RRM1: variants seen among roughly 807,000 people sequenced by gnomAD.
The protein encoded by RRM1 is ribonucleoside-diphosphate reductase large subunit.
A neutral mutation model predicts 101.5 loss-of-function variants in RRM1; 19 were observed. That is an observed-to-expected ratio of 0.19 (90% CI 0.13 to 0.27). The LOEUF (loss-of-function observed/expected upper bound fraction) is 0.27, where lower values mean the gene tolerates loss of function less well. Ranked by LOEUF, RRM1 falls within the 10% of genes least tolerant of loss-of-function variation. The probability of loss-of-function intolerance (pLI) is 1.00; values close to 1 mark genes in which losing one functional copy is unlikely to be tolerated. For missense variants in RRM1, 500 were observed against 962.9 expected, an observed-to-expected ratio of 0.52 and a Z score of 6.36; for synonymous variants, 298 against 323.4, an observed-to-expected ratio of 0.92 and a Z score of 0.84.
At position 4,135,062 on chromosome 11, in the gene RRM1, A is replaced by G. The variant is rs199726175; in HGVS notation, c.2002-20A>G. ...TTTCTTTAACTGGAGTAAAGTAAACATTGGGTTTTCCTTCTTTAGAGCATA... is the reference window on the plus strand; with the variant it reads ...TTTCTTTAACTGGAGTAAAGTAAACGTTGGGTTTTCCTTCTTTAGAGCATA... On this transcript the variant is annotated intron_variant, in intron 17 of 18. Transcript: ENST00000300738. The G allele has an allele frequency of 7.0e-6, 11 of 1,572,396 alleles. No homozygotes were observed. The African/African-American group carries it at 9.5e-5, about 14-fold the overall frequency.
In RRM1 at chr11:4,121,633, G is replaced by A. The variant is rs770391332; in HGVS notation, c.906G>A (p.Glu302=). 1.2e-5 allele frequency: 20 copies of A among 1,613,718 alleles called. No homozygotes were observed. The South Asian group carries it at 2.2e-4, about 18-fold the overall frequency. Residue 302 remains glutamate (E), a synonymous_variant, in exon 10 of 19, where the codon GAG becomes GAA. Coordinates refer to ENST00000300738, the MANE Select transcript of RRM1 (RefSeq NM_001033.5). ...KRPGAFAIYL[E]PWHLDIFEFL... ...CTGGGGCATTTGCTATTTACCTGGA[G>A]CCTTGGCATTTAGACATCTTTGAAT...
intron 1 of RRM1, among the ~76,000 whole-genome samples, chr11:4,099,771 G>A (rs888855128): frequency 6.6e-6 from 1 of 152,066 alleles, no homozygotes; most frequent in African/African-American, 2.4e-5. Context: ...CTAACCAAGT[G>A]GAATGACAGA....
Position 4,132,986 on chromosome 11 carries a change from A to G in RRM1, c.1905+565A>G, listed in dbSNP as rs1050716222. On this transcript the variant is annotated intron_variant, in intron 16 of 18. Coordinates refer to ENST00000300738, the MANE Select transcript of RRM1 (RefSeq NM_001033.5). This position sits in a 1 kb window ranked among gnomAD's most constrained non-coding sequence, Gnocchi z 4.1. ...CAATTTTTTTAACCTAAGTATTTAT[A>G]GATTTACCCATCTTAGGCGCTATTC... Among the ~76,000 whole-genome samples, 1 of 152,204 alleles carries G rather than the reference A, an allele frequency of 6.6e-6. No homozygotes were observed. Among genetic ancestry groups the G allele is most frequent in the African/African-American group, 2.4e-5 (1 of 41,454 alleles).
At chr11:4,130,175 A>G (rs1381921094) in intron 15 of RRM1, among the ~76,000 whole-genome samples, 5 of 149,352 alleles carry the variant, frequency 3.3e-5, no homozygotes, top group Non-Finnish European at 7.4e-5. Flanking sequence ...TAGTATATGA[A>G]CACAAATTTA....
chr11:4,136,731 T>C (rs1377752693), intron 18 of RRM1, among the ~76,000 whole-genome samples: 3 of 41,832 alleles, frequency 7.2e-5, no homozygotes, highest in Non-Finnish European at 2.3e-4. Flanking sequence ...CAGGAATGTA[T>C]TTTTTTGTTT....
chr11:4,112,436 T>C (rs1023818210), intron 7 of RRM1, among the ~76,000 whole-genome samples: 5 of 152,180 alleles, frequency 3.3e-5, no homozygotes, highest in African/African-American at 9.6e-5. Flanking sequence ...CGATCTTGGC[T>C]CACTGCAACC....
chr11:4,127,559 C>A (rs958140108), intron 14 of RRM1, among the ~76,000 whole-genome samples: 1 of 152,150 alleles, frequency 6.6e-6, no homozygotes, highest in African/African-American at 2.4e-5. Flanking sequence ...ATGCTGATAA[C>A]CACTAGAAGT....
At chr11:4,101,128 C>T (rs761649677) in intron 1 of RRM1, among the ~76,000 whole-genome samples, 4 of 151,922 alleles carry the variant, frequency 2.6e-5, no homozygotes, top group African/African-American at 9.7e-5. Context: ...CTATTTGGGG[C>T]ATTGCAATTT....
chr11:4,137,029 T>G (rs1707905236), intron 18 of RRM1: 1 of 179,996 alleles, frequency 5.6e-6, no homozygotes, highest in African/African-American at 2.4e-5. Flanking sequence ...GCACCGCCCT[T>G]AATCCATTTA....
chr11:4,094,800 C>A lies in RRM1; in HGVS notation c.-213C>A. Reference sequence around the variant, plus strand: ...AACGTCATTCGAACCCCGTCGCGCCCCTTTGTGCGTCACGGGTGGCGGGCG... The same window carrying A: ...AACGTCATTCGAACCCCGTCGCGCCACTTTGTGCGTCACGGGTGGCGGGCG... On this transcript the variant is annotated 5_prime_UTR_variant, in exon 1 of 19. Coordinates refer to ENST00000300738, the MANE Select transcript of RRM1 (RefSeq NM_001033.5). 1.7e-6 allele frequency: 1 copy of A among 603,190 alleles called. No homozygotes were observed. Among genetic ancestry groups the A allele is most frequent in the South Asian group, 2.0e-5 (1 of 51,026 alleles). The allele number at this position is 603,190 out of a possible 1,614,324, so 37.4% of individuals were successfully genotyped here.
chr11:4,105,524 C>T, intron 2 of RRM1: 2 of 394,240 alleles, frequency 5.1e-6, no homozygotes, highest in Non-Finnish European at 9.8e-6. Context: ...AGCCACTGTG[C>T]CCAACCTGTC....
intron 14 of RRM1, among the ~76,000 whole-genome samples, chr11:4,127,932 CAAGATG>C (rs2094592545): frequency 6.6e-6 from 1 of 152,108 alleles, no homozygotes; most frequent in Non-Finnish European, 1.5e-5. Context: ...GGTCTGTGTT[CAAGATG>C]TTGGTAAGGG....
intron 10 of RRM1, 138 bp downstream of exon 10, chr11:4,121,903 C>T (rs2094582423): frequency 3.7e-6 from 3 of 805,118 alleles, no homozygotes; most frequent in South Asian, 2.1e-5. Context: ...TTAAGAGATG[C>T]CGTGCTTGTC....
intron 1 of RRM1, among the ~76,000 whole-genome samples, chr11:4,101,566 C>CCCCA (rs950613224): frequency 7.9e-6 from 1 of 127,044 alleles, no homozygotes; most frequent in African/African-American, 3.1e-5. Context: ...CACACCCCCC[C>CCCCA]CCGCTCCCTT....
At chr11:4,126,085 C>T (rs1409130586) in intron 12 of RRM1, among the ~76,000 whole-genome samples, 2 of 152,236 alleles carry the variant, frequency 1.3e-5, no homozygotes, top group South Asian at 2.1e-4. Context: ...TGAAGAAGCT[C>T]ACTGCCTCGT....
intron 2 of RRM1, among the ~76,000 whole-genome samples, chr11:4,102,901 T>C (rs2094553481): frequency 1.3e-5 from 2 of 152,234 alleles, no homozygotes. Flanking sequence ...CTGTTTTCTG[T>C]GGTCTCTGCA....
At position 4,135,158 on chromosome 11, in the gene RRM1, A is replaced by G; in HGVS notation, c.2078A>G (p.Lys693Arg). 6.2e-7 allele frequency: 1 copy of G among 1,613,918 alleles called. No individual in the cohort carries two copies. Among genetic ancestry groups the G allele is most frequent in the Non-Finnish European group, 8.5e-7 (1 of 1,179,842 alleles). ...GAAATCTCTCAGAAAACTGTTCTCA[A>G]GATGGCAGCTGAGAGAGGTGCTTTC... ...VWEISQKTVL[K>R]MAAERGAFID... Residue 693 changes from lysine (K) to arginine (R), a missense_variant, in exon 18 of 19, where the codon AAG (lysine) becomes AGG (arginine). Physicochemically the swap from Lys to Arg is conservative, Grantham distance 26. Transcript: ENST00000300738.
intron 8 of RRM1, 108 bp downstream of exon 8, chr11:4,118,569 A>G: frequency 9.3e-7 from 1 of 1,075,812 alleles, no homozygotes; most frequent in South Asian, 1.6e-5. Context: ...GTCTCTGTTA[A>G]ATTACTAAAT....
chr11:4,106,883 C>T (rs1272994479), intron 3 of RRM1, among the ~76,000 whole-genome samples: 4 of 151,766 alleles, frequency 2.6e-5, no homozygotes, highest in Non-Finnish European at 4.4e-5. Flanking sequence ...TTTTCATTTT[C>T]TCTTTTTAAA....
Sources: gnomAD v4.1 joint callset for allele counts (sites outside exome capture counted in the v4.1 genomes callset) on GRCh38, gnomAD v4.1.1 for gene constraint, Gnocchi (gnomAD v3.1) non-coding constraint, MANE v1.5 for transcripts, NCBI Gene and HGNC (gene_info 2026-07-23, HGNC 2026-07-21) for gene names.